Variants in DST observed in about 807,000 individuals in gnomAD.
The protein encoded by DST is bullous pemphigoid antigen.
Under a neutral mutation model 875.2 loss-of-function variants are expected in DST, and 253 were observed. The ratio of observed to expected loss-of-function variants is 0.29; its 90% CI spans 0.26 to 0.32. The LOEUF (loss-of-function observed/expected upper bound fraction) is 0.32, where lower values mean the gene tolerates loss of function less well. DST is among the 10% of genes least tolerant of loss of function. DST has a pLI of 1.00. For missense variants in DST, 8,287 were observed against 9,111.6 expected, an observed-to-expected ratio of 0.91 and a Z score of 3.68; for synonymous variants, 3,124 against 3,197.1, an observed-to-expected ratio of 0.98 and a Z score of 0.77.
chr6:56,813,205 A>G (rs1217770906), intron 4 of DST, among the ~76,000 whole-genome samples: 25 of 127,328 alleles, frequency 2.0e-4, no homozygotes, highest in Admixed American at 1.4e-3. Context: ...GGACACAGGA[A>G]GGGGAACATC....
In DST at chr6:56,553,425, T is replaced by G; in HGVS notation, c.15367A>C (p.Asn5123His). 6.2e-7 allele frequency: 1 copy of G among 1,602,506 alleles called. No individual in the cohort carries two copies. ...GACCCTTGTGTTTTTAATAACAGAT[T>G]TTCACCTTCTGCAATGGTTTTTTCA... Reference protein sequence around the residue: ...MYEKTIAEGENLLLKTQGSEK... With the variant: ...MYEKTIAEGEHLLLKTQGSEK... Residue 5123 changes from asparagine (N) to histidine (H), a missense_variant, in exon 61 of 104, where the codon AAT (asparagine) becomes CAT (histidine). Asn to His is a moderately conservative substitution (Grantham distance 68, BLOSUM62 1). Around this residue, in one of 10 missense-constraint regions of DST, gnomAD observed 1,513 missense variants for 1,677.8 expected, o/e 0.90. Coordinates refer to ENST00000680361, the MANE Select transcript of DST (RefSeq NM_001374736.1).
rs182318733 is a variant in DST at position 56,549,279 on chromosome 6, A to G, written c.16608+2905T>C. On this transcript the variant is annotated intron_variant, in intron 61 of 103. Transcript: ENST00000680361. ...TTAGGTTAAACTAAAGCTACCAGAT[A>G]GATTAATGTCAAACTAGATTATATT... Among the ~76,000 whole-genome samples, 283 of 152,342 alleles carry G rather than the reference A, an allele frequency of 1.9e-3. 1 individual carries two copies. Among genetic ancestry groups the G allele is most frequent in the African/African-American group, 6.3e-3 (261 of 41,596 alleles).
At chr6:56,566,134 C>T (rs576576948) in intron 55 of DST, among the ~76,000 whole-genome samples, 27 of 152,236 alleles carry the variant, frequency 1.8e-4, no homozygotes, top group South Asian at 1.7e-3. Flanking sequence ...TGCTGGGCTC[C>T]GTAGGGGTTG....
chr6:56,720,534 A>C (rs1235517087), intron 5 of DST, among the ~76,000 whole-genome samples: 1 of 151,876 alleles, frequency 6.6e-6, no homozygotes, highest in East Asian at 1.9e-4. Flanking sequence ...TGGGTACTTG[A>C]GATTAGGGAG....
At position 56,561,322 on chromosome 6, in the gene DST, C is replaced by T. The variant is rs760997087; in HGVS notation, c.14296G>A (p.Val4766Ile). Residue 4766 changes from valine (V) to isoleucine (I), a missense_variant, in exon 57 of 104, where the codon GTT (valine) becomes ATT (isoleucine). Around this residue, in one of 10 missense-constraint regions of DST, gnomAD observed 1,513 missense variants for 1,677.8 expected, o/e 0.90. Coordinates refer to ENST00000680361, the MANE Select transcript of DST (RefSeq NM_001374736.1). ...PTDTEAVKTQ[V>I]EQNKSFEAEL... ...ACAGAATATACCTTATTCTGCTCAA[C>T]TTGAGTCTTCACAGCTTCAGTATCT... 6.2e-7 allele frequency: 1 copy of T among 1,613,116 alleles called. No individual in the cohort carries two copies. Among genetic ancestry groups the T allele is most frequent in the Non-Finnish European group, 8.5e-7 (1 of 1,179,452 alleles).
intron 9 of DST, 132 bp downstream of exon 9, chr6:56,699,521 A>C (rs2099282860): frequency 1.1e-5 from 6 of 557,908 alleles, no homozygotes; most frequent in Non-Finnish European, 1.9e-5. Context: ...AGAACAATTC[A>C]AATATATTAC....
Position 56,561,406 on chromosome 6 carries a change from G to T in DST, c.14212C>A (p.Gln4738Lys). The part of the protein sequence containing the change: ...KAQEESSAMM[Q>K]WLQKMNKTAT... ...GTTTTGTTCATTTTCTGTAACCACT[G>T]CATCATTGCACTTGATTCTTCCTGA... Residue 4738 changes from glutamine to lysine, a missense_variant, in exon 57 of 104, where the codon CAG (glutamine) becomes AAG (lysine). By Grantham distance (53) the Gln-to-Lys change is moderately conservative. Transcript: ENST00000680361. The T allele has an allele frequency of 6.2e-7, 1 of 1,613,858 alleles. No individual in the cohort carries two copies. Among genetic ancestry groups the T allele is most frequent in the Non-Finnish European group, 8.5e-7 (1 of 1,179,802 alleles).
rs116196683 is a variant in DST at position 56,663,737 on chromosome 6, C to T, written c.1214+6904G>A. On this transcript the variant is annotated intron_variant, in intron 10 of 103. Coordinates refer to ENST00000680361, the MANE Select transcript of DST (RefSeq NM_001374736.1). ...TTTAATATAATGAAATATGATGGCC[C>T]TATTATATTCTCATTCAAAATGCAA... 3.3e-3 allele frequency among the ~76,000 whole-genome samples: 509 copies of T among 152,248 alleles called. 3 individuals carry two copies. The highest frequency in any genetic ancestry group is 0.012 in the African/African-American group (493 of 41,522).
intron 4 of DST, among the ~76,000 whole-genome samples, chr6:56,785,192 C>A (rs1355723511): frequency 6.6e-6 from 1 of 152,230 alleles, no homozygotes; most frequent in Non-Finnish European, 1.5e-5. Context: ...AGGCAGTCTG[C>A]CCATTATCAG....
chr6:56,876,622 AG>A (rs1779756987), intron 3 of DST, among the ~76,000 whole-genome samples: 1 of 152,250 alleles, frequency 6.6e-6, no homozygotes, highest in South Asian at 2.1e-4. Context: ...ATCTTGGATC[AG>A]TTGAAACATT....
At chr6:56,781,390 T>C (rs901136108) in intron 4 of DST, among the ~76,000 whole-genome samples, 1 of 152,194 alleles carries the variant, frequency 6.6e-6, no homozygotes. Flanking sequence ...TATCCTCTTT[T>C]ATTTCATTGA....
intron 2 of DST, among the ~76,000 whole-genome samples, chr6:56,946,909 G>A (rs1819793771): frequency 6.6e-6 from 1 of 152,022 alleles, no homozygotes; most frequent in African/African-American, 2.4e-5. Context: ...TCAATAAAAA[G>A]GTCTTTTACA....
chr6:56,802,555 T>C (rs1009034939), intron 4 of DST, among the ~76,000 whole-genome samples: 4 of 152,110 alleles, frequency 2.6e-5, no homozygotes, highest in African/African-American at 9.7e-5. Context: ...GACTCCTAAC[T>C]GCCAGCTAGA....
rs1035250427 is a variant in DST, at chr6:56,642,060, T to C, written c.1914A>G (p.Glu638=). The C allele has an allele frequency of 6.2e-7, 1 of 1,612,794 alleles. No homozygotes were observed. The highest frequency in any genetic ancestry group is 1.3e-5 in the African/African-American group (1 of 74,896). The part of the protein sequence containing the change: ...RLESGVQFQN[E]AEIAGYILEC... ...CAAGTATATACCCAGCAATTTCTGC[T>C]TCATTCTGAAACTGCACTCCTGATT... The change falls in exon 17 of 104, where the codon GAA becomes GAG. Residue 638 remains glutamate, a synonymous_variant. Transcript: ENST00000680361.
intron 71 of DST, among the ~76,000 whole-genome samples, chr6:56,516,298 A>G (rs1335943981): frequency 6.6e-6 from 1 of 152,174 alleles, no homozygotes. Flanking sequence ...ATAAACTCAT[A>G]GCAAAAACTA....
intron 72 of DST, among the ~76,000 whole-genome samples, chr6:56,512,588 G>T (rs1024575351): frequency 2.0e-5 from 3 of 152,094 alleles, no homozygotes; most frequent in Admixed American, 6.6e-5. Flanking sequence ...CTTACTTTCA[G>T]GAAAGATGGT....
At chr6:56,574,398 G>T (rs142838653) in intron 50 of DST, among the ~76,000 whole-genome samples, 1 of 151,950 alleles carries the variant, frequency 6.6e-6, no homozygotes. Context: ...TCATACACAC[G>T]CATGCTAAGC....
chr6:56,804,208 G>C (rs2099750527), intron 4 of DST, among the ~76,000 whole-genome samples: 1 of 152,124 alleles, frequency 6.6e-6, no homozygotes, highest in Non-Finnish European at 1.5e-5. Context: ...CGTAAGGATT[G>C]AATGCATGGT....
chr6:56,505,258 T>C (rs2096272876), intron 77 of DST, among the ~76,000 whole-genome samples: 1 of 152,132 alleles, frequency 6.6e-6, no homozygotes, highest in Non-Finnish European at 1.5e-5. Context: ...CAACAGGACT[T>C]ATGACAGGCC....
Sources: allele counts gnomAD v4.1 joint callset (sites outside exome capture counted in the v4.1 genomes callset), GRCh38; gene constraint gnomAD v4.1.1; regional missense constraint gnomAD v4.1.1; transcripts MANE v1.5; gene names NCBI Gene and HGNC (gene_info 2026-07-23, HGNC 2026-07-21).